The following RORA variants were observed in gnomAD, a reference collection of about 807,000 sequenced individuals.
RORA encodes nuclear receptor ROR-alpha.
RORA carries 7 observed loss-of-function variants against 69.5 expected under a neutral mutation model. That is an observed-to-expected ratio of 0.10 (90% CI 0.06 to 0.19). The LOEUF is 0.19. RORA is among the 10% of genes least tolerant of loss of function. The pLI, the probability that RORA is intolerant of heterozygous loss-of-function variation, is 1.00. For missense variants in RORA, 457 were observed against 663.0 expected, an observed-to-expected ratio of 0.69 and a Z score of 3.41; for synonymous variants, 261 against 240.8, an observed-to-expected ratio of 1.08 and a Z score of -0.78.
chr15:60,571,649 A>C (rs2067884456), intron 2 of RORA, among the ~76,000 whole-genome samples: 1 of 152,166 alleles, frequency 6.6e-6, no homozygotes, highest in Non-Finnish European at 1.5e-5. Flanking sequence ...CCACTAACTT[A>C]TCCTGGCATG....
At chr15:60,509,483 C>T (rs1007899971) in intron 5 of RORA, among the ~76,000 whole-genome samples, 1 of 152,202 alleles carries the variant, frequency 6.6e-6, no homozygotes, top group Admixed American at 6.5e-5. Context: ...TCGGCTCAGC[C>T]ATTTCTGGCC....
At chr15:61,055,503 C>T (rs529309815) in intron 1 of RORA, among the ~76,000 whole-genome samples, 64 of 152,340 alleles carry the variant, frequency 4.2e-4, no homozygotes, top group Non-Finnish European at 6.9e-4. Context: ...TCTCCCGCCC[C>T]TACAATGCCT....
rs546611928 is a variant in RORA at position 60,873,866 on chromosome 15, G to A, written c.167-195180C>T. ...TAGGTAATAGGTATAAAATATCAGG[G>A]AATTTATCTTTCACATAGTAATTCA... On this transcript the variant is annotated intron_variant, in intron 1 of 10. Coordinates refer to ENST00000335670, the MANE Select transcript of RORA (RefSeq NM_134261.3). 4.6e-5 allele frequency among the ~76,000 whole-genome samples: 7 copies of A among 152,238 alleles called. No homozygotes were observed. The East Asian group carries it at 1.4e-3, about 29-fold the overall frequency.
intron 1 of RORA, chr15:60,764,021 A>G (rs1025742761): frequency 1.3e-5 from 2 of 152,102 alleles, no homozygotes; most frequent in African/African-American, 4.8e-5. Context: ...CTCCATCAAG[A>G]ACTTCACTTT....
rs2065137821 is a variant in RORA, at chr15:60,495,222, G to C, written c.*2233C>G. On this transcript the variant is annotated 3_prime_UTR_variant, in exon 11 of 11. Coordinates refer to ENST00000335670, the MANE Select transcript of RORA (RefSeq NM_134261.3). ...TGAACTAAGCTTGGTACTCTTTTCA[G>C]AGTATAAATACTACTGATCTTTAAA... 1 of 152,112 alleles carries C rather than the reference G, an allele frequency of 6.6e-6. No individual in the cohort carries two copies. Among genetic ancestry groups the C allele is most frequent in the Admixed American group, 6.6e-5 (1 of 15,256 alleles). 9.4% of individuals were successfully genotyped at this position (152,112 alleles called of 1,614,324 possible). A position where few individuals can be genotyped will look rare whatever the true frequency, so the allele number is the denominator to read the frequency against.
At chr15:60,984,730 A>C (rs1054676023) in intron 1 of RORA, among the ~76,000 whole-genome samples, 3 of 151,826 alleles carry the variant, frequency 2.0e-5, no homozygotes, top group Non-Finnish European at 4.4e-5. Context: ...AATGGGGCAC[A>C]TACCCTCCAA....
intron 1 of RORA, among the ~76,000 whole-genome samples, chr15:60,983,830 C>A (rs1894116981): frequency 6.6e-6 from 1 of 152,168 alleles, no homozygotes; most frequent in African/African-American, 2.4e-5. Flanking sequence ...CGAGCTGCAA[C>A]CCAACCACCT....
At chr15:60,953,884 C>T (rs1403092702) in intron 1 of RORA, among the ~76,000 whole-genome samples, 11 of 148,614 alleles carry the variant, frequency 7.4e-5, no homozygotes, top group African/African-American at 1.5e-4. Flanking sequence ...GTCAGTGTGG[C>T]GATTCCTCAG....
Position 61,083,756 on chromosome 15 carries a change from T to C in RORA, c.166+145297A>G, listed in dbSNP as rs538968771. 6.6e-5 allele frequency among the ~76,000 whole-genome samples: 10 copies of C among 151,308 alleles called. No homozygotes were observed. In the South Asian group the frequency reaches 2.1e-3, roughly 32 times the overall value. On this transcript the variant is annotated intron_variant, in intron 1 of 10. Coordinates refer to ENST00000335670, the MANE Select transcript of RORA (RefSeq NM_134261.3). The stretch of plus-strand genomic sequence containing the variant: ...GGAAAATTGCTCTTCCCAGAAAAAA[T>C]CAAATAGAGTCAGCCTCTTCAAGCA...
chr15:60,822,824 C>T (rs369351045), intron 1 of RORA, among the ~76,000 whole-genome samples: 2 of 152,188 alleles, frequency 1.3e-5, no homozygotes, highest in Admixed American at 6.5e-5. Context: ...AAAGGCACCA[C>T]CCCCTGGCTC....
chr15:60,603,131 T>C (rs951098600), intron 2 of RORA, among the ~76,000 whole-genome samples: 1 of 152,236 alleles, frequency 6.6e-6, no homozygotes, highest in Admixed American at 6.5e-5. Context: ...TTGAGTAATA[T>C]TCCATTCCAC....
intron 2 of RORA, among the ~76,000 whole-genome samples, chr15:60,659,517 T>G (rs1008815640): frequency 9.2e-5 from 14 of 152,204 alleles, no homozygotes; most frequent in Non-Finnish European, 7.3e-5. Flanking sequence ...TCAGACAACC[T>G]TAGTATAAAA....
intron 3 of RORA, among the ~76,000 whole-genome samples, chr15:60,515,480 T>A (rs1207074935): frequency 1.3e-5 from 2 of 152,126 alleles, no homozygotes; most frequent in Non-Finnish European, 2.9e-5. Context: ...GATACAAAGA[T>A]GTATAAGGAG....
intron 2 of RORA, among the ~76,000 whole-genome samples, chr15:60,539,795 A>G (rs2066802332): frequency 6.6e-6 from 1 of 151,590 alleles, no homozygotes; most frequent in African/African-American, 2.4e-5. Flanking sequence ...TTAAGGATTT[A>G]TGGGGTTATG....
chr15:60,977,630 T>G (rs1411716136), intron 1 of RORA, among the ~76,000 whole-genome samples: 3 of 152,154 alleles, frequency 2.0e-5, no homozygotes, highest in South Asian at 2.1e-4. Context: ...CTCTCCTTCA[T>G]CCCCTGGCAA....
chr15:60,979,747 T>TGTGC (rs1555399244), intron 1 of RORA, among the ~76,000 whole-genome samples: 1 of 151,744 alleles, frequency 6.6e-6, no homozygotes, highest in Admixed American at 6.6e-5. Context: ...TGTGTGTGTG[T>TGTGC]GCACGTGTGT....
chr15:61,124,004 C>A (rs143894545), intron 1 of RORA, among the ~76,000 whole-genome samples: 1 of 152,178 alleles, frequency 6.6e-6, no homozygotes, highest in Non-Finnish European at 1.5e-5. Context: ...TATCAGGCCT[C>A]AGACTTCAAA....
chr15:61,024,357 C>T (rs1246228698), intron 1 of RORA, among the ~76,000 whole-genome samples: 1 of 126,524 alleles, frequency 7.9e-6, no homozygotes. Context: ...AGTCATAGTT[C>T]GGTGAGGCTT....
chr15:61,113,144 G>GT (rs1206332171), intron 1 of RORA, among the ~76,000 whole-genome samples: 1 of 152,264 alleles, frequency 6.6e-6, no homozygotes, highest in Non-Finnish European at 1.5e-5. Flanking sequence ...CCTGGAATAG[G>GT]TAAGATTTTG....
Sources: allele counts gnomAD v4.1 joint callset (sites outside exome capture counted in the v4.1 genomes callset), GRCh38; gene constraint gnomAD v4.1.1; transcripts MANE v1.5; gene names NCBI Gene and HGNC (gene_info 2026-07-23, HGNC 2026-07-21).